The following MCF2L variants were observed in gnomAD, a reference collection of about 807,000 sequenced individuals.
MCF2L encodes MCF.2 cell line derived transforming sequence like.
In MCF2L, 97 loss-of-function variants were observed where a neutral mutation model predicts 153.4. The observed-to-expected ratio is 0.63, with a 90% CI of 0.54 to 0.75. The LOEUF (loss-of-function observed/expected upper bound fraction) is 0.75. Among genes scored for constraint, MCF2L ranks in the 30% least tolerant of loss-of-function variants. The pLI is 0.00. For missense variants in MCF2L, 1,347 were observed against 1,495.2 expected, an observed-to-expected ratio of 0.90 and a Z score of 1.64; for synonymous variants, 659 against 632.2, an observed-to-expected ratio of 1.04 and a Z score of -0.64.
At chr13:112,936,343 C>T (rs1764987626) in intron 2 of MCF2L, among the ~76,000 whole-genome samples, 1 of 151,590 alleles carries the variant, frequency 6.6e-6, no homozygotes, top group Non-Finnish European at 1.5e-5. Flanking sequence ...GACTTCCAGC[C>T]TCCAGAGCAG....
chr13:113,001,372 G>C (rs1028865430), intron 1 of MCF2L: 5 of 152,578 alleles, frequency 3.3e-5, no homozygotes, highest in African/African-American at 1.2e-4. Flanking sequence ...AGGGGCAGAA[G>C]GCTTGGCCCC....
rs970824729 is a variant in MCF2L at position 113,098,064 on chromosome 13, T to C, written c.*1205T>C. On this transcript the variant is annotated 3_prime_UTR_variant, in exon 30 of 30. Coordinates refer to ENST00000535094, the MANE Select transcript of MCF2L (RefSeq NM_001112732.3). ...GGTGTCTAGTCTGCAGATGTTTTTG[T>C]ATGTGTGCACCTCTGACCATGTGTG... is the stretch of plus-strand genomic sequence containing the variant. The C allele has an allele frequency of 9.2e-5, 14 of 152,432 alleles. No individual in the cohort carries two copies. Among genetic ancestry groups the C allele is most frequent in the African/African-American group, 3.4e-4 (14 of 41,470 alleles). The allele number at this position is 152,432 out of a possible 1,614,324, so 9.4% of individuals were successfully genotyped here.
upstream of MCF2L, chr13:112,965,900 T>C (rs907955355): frequency 6.6e-6 from 1 of 152,158 alleles, no homozygotes; most frequent in African/African-American, 2.4e-5. Context: ...CTTACCTAAG[T>C]GTCCTGGGTC....
intron 2 of MCF2L, among the ~76,000 whole-genome samples, chr13:112,955,235 A>G (rs565117558): frequency 6.6e-6 from 1 of 152,286 alleles, no homozygotes; most frequent in East Asian, 1.9e-4. Context: ...GAGGCCTCAC[A>G]CGTCCTAAAC....
intron 1 of MCF2L, among the ~76,000 whole-genome samples, chr13:112,975,310 G>A (rs2082176580): frequency 6.6e-6 from 1 of 152,254 alleles, no homozygotes; most frequent in African/African-American, 2.4e-5. Context: ...TGCACCTTGT[G>A]AGGTTAGCGG....
Position 113,066,153 on chromosome 13 carries a change from C to A in MCF2L, c.864C>A (p.Asn288Lys), listed in dbSNP as rs749672543. The change falls in exon 8 of 30, where the codon AAC (asparagine) becomes AAA (lysine). Residue 288 changes from asparagine to lysine, a missense_variant. Physicochemically the swap from Asn to Lys is moderately conservative, Grantham distance 94. This residue lies in a region of MCF2L where 820 missense variants were observed against 921.2 expected (regional missense o/e 0.89). Coordinates refer to ENST00000535094, the MANE Select transcript of MCF2L (RefSeq NM_001112732.3). Reference sequence around the variant, plus strand: ...GTGTGAACCAGGACCAGCTTGACAACCAGGCCACCGTGCAGAGGTGAGGCC... The same window carrying A: ...GTGTGAACCAGGACCAGCTTGACAAACAGGCCACCGTGCAGAGGTGAGGCC... ...EPSVNQDQLD[N>K]QATVQRLLAQ... The A allele has an allele frequency of 1.9e-6, 3 of 1,612,274 alleles. No individual in the cohort carries two copies. The African/African-American group carries it at 4.0e-5, about 22-fold the overall frequency.
At chr13:112,919,140 C>G (rs1017145570) in intron 2 of MCF2L, among the ~76,000 whole-genome samples, 3 of 151,408 alleles carry the variant, frequency 2.0e-5, no homozygotes, top group African/African-American at 7.3e-5. Context: ...CACAATATAA[C>G]TTTTAGTTTT....
At chr13:113,077,009 A>G in intron 12 of MCF2L, 43 bp from the exon 13 acceptor site, 1 of 1,571,790 alleles carries the variant, frequency 6.4e-7, no homozygotes, top group Non-Finnish European at 8.7e-7. Context: ...TTTAGTGATG[A>G]CACCAACATG....
intron 1 of MCF2L, among the ~76,000 whole-genome samples, chr13:112,994,568 C>T (rs547615259): frequency 3.3e-5 from 5 of 152,360 alleles, no homozygotes; most frequent in South Asian, 2.1e-4. Context: ...TGAGCTGTCT[C>T]GTTTCTTCCC....
rs779274453 is a variant in MCF2L at position 112,915,410 on chromosome 13, C to CAAAAAAA, written c.169+13048_169+13054dup. Among the ~76,000 whole-genome samples the CAAAAAAA allele has an allele frequency of 1.2e-3, 101 of 86,938 alleles. 8 individuals are homozygous for CAAAAAAA. Among genetic ancestry groups the CAAAAAAA allele is most frequent in the South Asian group, 2.8e-3 (5 of 1,800 alleles). 57.0% of individuals were successfully genotyped at this position (86,938 alleles called of 152,430 possible). On this transcript the variant is annotated intron_variant, in intron 2 of 29. Transcript: ENST00000375608. ...GGTGACAGAGCAAGACTCTGTCTCA[C>CAAAAAAA]AAAAAAAAAAAAAAATCCATCCTCA...
At chr13:112,948,071 A>G (rs1002001305) in intron 2 of MCF2L, among the ~76,000 whole-genome samples, 2 of 152,178 alleles carry the variant, frequency 1.3e-5, no homozygotes, top group Admixed American at 1.3e-4. Flanking sequence ...TGGAGAATAG[A>G]GACCTCAGAT....
At chr13:113,013,733 A>G (rs566000462) in intron 1 of MCF2L, among the ~76,000 whole-genome samples, 1 of 152,208 alleles carries the variant, frequency 6.6e-6, no homozygotes, top group Non-Finnish European at 1.5e-5. Context: ...AATTGTGTGG[A>G]TGTTCAAGAC....
chr13:113,062,990 G>T (rs1025651511), intron 5 of MCF2L, among the ~76,000 whole-genome samples: 1 of 152,162 alleles, frequency 6.6e-6, no homozygotes, highest in Non-Finnish European at 1.5e-5. Context: ...GGGTATTTTC[G>T]GCAGGAACAG....
At chr13:113,003,883 G>A (rs1176040966) in intron 1 of MCF2L, among the ~76,000 whole-genome samples, 5 of 152,196 alleles carry the variant, frequency 3.3e-5, no homozygotes, top group Non-Finnish European at 7.4e-5. Flanking sequence ...AGGGTGGGGC[G>A]AGCCCCACTG....
At chr13:112,958,007 C>T (rs1011038543) in intron 2 of MCF2L, 2 of 152,204 alleles carry the variant, frequency 1.3e-5, no homozygotes, top group East Asian at 1.9e-4. Flanking sequence ...CCTAAAATTT[C>T]TTCATTCAGC....
intron 1 of MCF2L, among the ~76,000 whole-genome samples, chr13:112,986,994 CTCGGAGCCAGTG>C (rs943454734): frequency 2.8e-4 from 43 of 152,244 alleles, no homozygotes; most frequent in African/African-American, 9.6e-4. Flanking sequence ...TCAGGTGGGA[CTCGGAGCCAGTG>C]TCGGAGCTGG....
At position 112,951,162 on chromosome 13, in the gene MCF2L, C is replaced by T. The variant is rs1479374483; in HGVS notation, c.169+48791C>T. ...GAAGTGCAAGACCTGGGTACCACTG[C>T]ACACCCTCAGGAGAGCTAAGATAAA... On this transcript the variant is annotated intron_variant, in intron 2 of 29. Transcript: ENST00000375608. This position sits in a 1 kb window ranked among gnomAD's most constrained non-coding sequence, Gnocchi z 4.8. 1.3e-5 allele frequency among the ~76,000 whole-genome samples: 2 copies of T among 152,214 alleles called. No individual in the cohort carries two copies. The highest frequency in any genetic ancestry group is 2.9e-5 in the Non-Finnish European group (2 of 68,048).
chr13:112,957,088 C>T (rs570021668), intron 2 of MCF2L: 1 of 152,226 alleles, frequency 6.6e-6, no homozygotes, highest in African/African-American at 2.4e-5. Flanking sequence ...TTACAGGCCG[C>T]CCCCGAGAGC....
chr13:113,072,642 T>C (rs903399160), intron 9 of MCF2L, among the ~76,000 whole-genome samples: 1 of 152,210 alleles, frequency 6.6e-6, no homozygotes, highest in Non-Finnish European at 1.5e-5. Context: ...TGTAGGGTTG[T>C]TTATAGTATT....
Sources: gnomAD v4.1 joint callset for allele counts (sites outside exome capture counted in the v4.1 genomes callset) on GRCh38, gnomAD v4.1.1 for gene constraint, gnomAD v4.1.1 regional missense constraint, Gnocchi (gnomAD v3.1) non-coding constraint, MANE v1.5 for transcripts, NCBI Gene and HGNC (gene_info 2026-07-23, HGNC 2026-07-21) for gene names.